VWA8: variants seen among roughly 807,000 people sequenced by gnomAD.
VWA8 encodes von Willebrand factor A domain-containing protein 8.
VWA8 carries 221 observed loss-of-function variants against 241.5 expected under a neutral mutation model. That is an observed-to-expected ratio of 0.91 (90% CI 0.82 to 1.02). The LOEUF is 1.02. Among genes scored for constraint, VWA8 ranks in the 50% least tolerant of loss-of-function variants. VWA8 has a pLI of 0.00. For synonymous variants in VWA8, 852 were observed against 827.1 expected, an observed-to-expected ratio of 1.03 and a Z score of -0.52; for missense variants, 2,322 against 2,328.7, an observed-to-expected ratio of 1.00 and a Z score of 0.06.
chr13:41,739,834 T>A (rs2045553701), intron 21 of VWA8, among the ~76,000 whole-genome samples: 1 of 56,544 alleles, frequency 1.8e-5, no homozygotes, highest in Non-Finnish European at 3.8e-5. Flanking sequence ...TTTGTTTTTT[T>A]TTTTGTTTTT....
chr13:41,940,341 T>C (rs557167035), intron 2 of VWA8, among the ~76,000 whole-genome samples: 129 of 151,726 alleles, frequency 8.5e-4, no homozygotes, highest in Non-Finnish European at 1.5e-3. Flanking sequence ...AATCAAAGCA[T>C]AAATACAGGA....
At chr13:41,581,329 C>A (rs1036859825) in intron 42 of VWA8, among the ~76,000 whole-genome samples, 96 of 152,248 alleles carry the variant, frequency 6.3e-4, no homozygotes, top group Non-Finnish European at 1.3e-3. Context: ...ATCAGAGGGT[C>A]AATGGCACCT....
intron 17 of VWA8, among the ~76,000 whole-genome samples, chr13:41,801,028 G>A (rs188112836): frequency 1.3e-5 from 2 of 151,952 alleles, no homozygotes. Context: ...AATTGTAACT[G>A]AATTGGTAAT....
intron 43 of VWA8, among the ~76,000 whole-genome samples, chr13:41,573,196 T>C (rs1425413870): frequency 1.3e-5 from 2 of 150,504 alleles, no homozygotes; most frequent in African/African-American, 2.4e-5. Flanking sequence ...TCACCTGAGA[T>C]TGGGAGCTCA....
intron 1 of VWA8, among the ~76,000 whole-genome samples, chr13:41,953,681 T>G (rs546576715): frequency 1.3e-5 from 2 of 152,112 alleles, no homozygotes; most frequent in African/African-American, 4.8e-5. Flanking sequence ...GGCTGGCACA[T>G]GCCTGTAATC....
At chr13:41,936,784 G>A (rs371888941) in intron 2 of VWA8, among the ~76,000 whole-genome samples, 2 of 152,122 alleles carry the variant, frequency 1.3e-5, no homozygotes, top group Non-Finnish European at 1.5e-5. Flanking sequence ...AACTATGTGA[G>A]GTAACAGACA....
At chr13:41,888,616 A>T (rs1875404021) in intron 5 of VWA8, among the ~76,000 whole-genome samples, 1 of 152,198 alleles carries the variant, frequency 6.6e-6, no homozygotes, top group African/African-American at 2.4e-5. Context: ...TCATATCTTC[A>T]TAAAACTCAG....
chr13:41,635,971 C>T (rs2044753965), intron 37 of VWA8, among the ~76,000 whole-genome samples: 1 of 152,114 alleles, frequency 6.6e-6, no homozygotes, highest in African/African-American at 2.4e-5. Context: ...CCCAGAATAA[C>T]CTTCGTGCCT....
chr13:41,805,261 A>G (rs1870131781), intron 17 of VWA8, among the ~76,000 whole-genome samples: 1 of 152,208 alleles, frequency 6.6e-6, no homozygotes, highest in African/African-American at 2.4e-5. Context: ...AAAAACCAGG[A>G]GTCACTATAA....
At chr13:41,734,668 AC>A (rs2045511724) in intron 21 of VWA8, among the ~76,000 whole-genome samples, 1 of 152,272 alleles carries the variant, frequency 6.6e-6, no homozygotes, top group East Asian at 1.9e-4. Flanking sequence ...TGGGATTCTG[AC>A]CTATTGCTGT....
At chr13:41,659,994 T>C (rs762829122) in intron 37 of VWA8, among the ~76,000 whole-genome samples, 1 of 152,248 alleles carries the variant, frequency 6.6e-6, no homozygotes, top group African/African-American at 2.4e-5. Flanking sequence ...TTCATGTTCT[T>C]TTGCTTTATC....
intron 17 of VWA8, among the ~76,000 whole-genome samples, chr13:41,792,963 T>G (rs1258316862): frequency 1.3e-5 from 2 of 152,094 alleles, no homozygotes; most frequent in Non-Finnish European, 2.9e-5. Flanking sequence ...TATTTTCTCT[T>G]GTATTTTTAA....
At chr13:41,926,308 T>C (rs1876830727) in intron 2 of VWA8, 10 of 604,728 alleles carry the variant, frequency 1.7e-5, no homozygotes, top group South Asian at 1.5e-4. Flanking sequence ...CTAAATGATT[T>C]TGTGAGGCAG....
At chr13:41,802,664 A>T (rs1870013573) in intron 17 of VWA8, among the ~76,000 whole-genome samples, 1 of 152,242 alleles carries the variant, frequency 6.6e-6, no homozygotes, top group Non-Finnish European at 1.5e-5. Context: ...AAAGTAAAAT[A>T]AAGCACTAAA....
chr13:41,691,270 T>C, intron 32 of VWA8, 50 bp downstream of exon 32: 2 of 1,563,550 alleles, frequency 1.3e-6, no homozygotes, highest in Non-Finnish European at 1.7e-6. Flanking sequence ...AATTCATAAA[T>C]AAGATTGAGC....
rs1349565897 is a variant in VWA8, at chr13:41,727,222, G to A, written c.2730C>T (p.Phe910=). ...AGGTACCGAAGAAATCATTGCCTAG[G>A]AAAGGAAATCCAGGTCTATTTGCCA... ...IVLANRPGFP[F]LGNDFFGTLG... The change falls in exon 24 of 45, where the codon TTC becomes TTT. Residue 910 remains phenylalanine, a synonymous_variant. Transcript: ENST00000379310. 2.6e-6 allele frequency: 4 copies of A among 1,547,960 alleles called. No homozygotes were observed. Among genetic ancestry groups the A allele is most frequent in the African/African-American group, 2.8e-5 (2 of 72,708 alleles).
intron 24 of VWA8, among the ~76,000 whole-genome samples, chr13:41,724,305 G>C (rs2045415039): frequency 6.6e-6 from 1 of 152,170 alleles, no homozygotes; most frequent in African/African-American, 2.4e-5. Context: ...TGACTGTGAG[G>C]AATTTTGTTA....
intron 12 of VWA8, chr13:41,864,671 G>T: frequency 2.4e-6 from 1 of 417,698 alleles, no homozygotes. Context: ...GGGTCTGAGA[G>T]GGAAAGAAAA....
chr13:41,830,664 C>G lies in VWA8; in HGVS notation c.1587-22G>C, dbSNP rs58973858. 3.6e-3 allele frequency: 5,759 copies of G among 1,601,402 alleles called. 181 individuals carry two copies. In the African/African-American group the frequency reaches 0.067, roughly 19 times the overall value. On this transcript the variant is annotated intron_variant, in intron 13 of 44. Transcript: ENST00000379310. Reference sequence around the variant, plus strand: ...TAACCTAACAAGATAAGAAAAAAGCCCGAAAATAAATTAATGTGTTTTGAA... The same window carrying G: ...TAACCTAACAAGATAAGAAAAAAGCGCGAAAATAAATTAATGTGTTTTGAA...
Sources: allele counts gnomAD v4.1 joint callset (sites outside exome capture counted in the v4.1 genomes callset), GRCh38; gene constraint gnomAD v4.1.1; transcripts MANE v1.5; gene names NCBI Gene and HGNC (gene_info 2026-07-23, HGNC 2026-07-21).